Variants in RB1 observed in about 807,000 individuals in gnomAD.
RB1 encodes the protein RB transcriptional corepressor 1.
A neutral mutation model predicts 135.4 loss-of-function variants in RB1; 18 were observed. The ratio of observed to expected loss-of-function variants is 0.13; its 90% CI spans 0.09 to 0.20. RB1 has a LOEUF of 0.20. Among genes scored for constraint, RB1 ranks in the 10% least tolerant of loss-of-function variants. The pLI is 1.00. For synonymous variants in RB1, 365 were observed against 373.2 expected, an observed-to-expected ratio of 0.98 and a Z score of 0.25; for missense variants, 868 against 1,110.0, an observed-to-expected ratio of 0.78 and a Z score of 3.10.
chr13:48,382,073 G>A (rs945830805), intron 17 of RB1, among the ~76,000 whole-genome samples: 2 of 152,022 alleles, frequency 1.3e-5, no homozygotes, highest in Non-Finnish European at 2.9e-5. Flanking sequence ...ATATTCCATG[G>A]TATATATGTG....
chr13:48,449,815 A>T (rs1163733071), intron 17 of RB1, among the ~76,000 whole-genome samples: 1 of 152,170 alleles, frequency 6.6e-6, no homozygotes, highest in African/African-American at 2.4e-5. Flanking sequence ...GAGAGAGTTA[A>T]TGTCTGCATT....
chr13:48,357,790 G>A (rs1952605644), intron 6 of RB1, among the ~76,000 whole-genome samples: 1 of 152,016 alleles, frequency 6.6e-6, no homozygotes, highest in African/African-American at 2.4e-5. Context: ...ATGATGATCA[G>A]GAGAAGCTTC....
intron 2 of RB1, among the ~76,000 whole-genome samples, chr13:48,321,384 G>A (rs140191491): frequency 0.019 from 2,563 of 135,566 alleles, 70 homozygotes; most frequent in African/African-American, 0.062. Context: ...CTCCGCCCGG[G>A]CCCCGCCTCC....
chr13:48,337,089 G>T (rs1490468538), intron 2 of RB1, among the ~76,000 whole-genome samples: 3 of 152,168 alleles, frequency 2.0e-5, no homozygotes, highest in Non-Finnish European at 4.4e-5. Flanking sequence ...GCTGAGGAGA[G>T]CTTTACTTCC....
At chr13:48,474,132 T>TA (rs1451695668) in intron 24 of RB1, among the ~76,000 whole-genome samples, 1 of 152,128 alleles carries the variant, frequency 6.6e-6, no homozygotes, top group East Asian at 1.9e-4. Context: ...TCCTAGCACT[T>TA]AGACATGTTT....
intron 17 of RB1, among the ~76,000 whole-genome samples, chr13:48,442,509 A>T (rs1949248140): frequency 6.6e-6 from 1 of 152,174 alleles, no homozygotes; most frequent in South Asian, 2.1e-4. Context: ...CTTTGGATTC[A>T]GAAGGTAACT....
chr13:48,431,050 A>T (rs916003431), intron 17 of RB1, among the ~76,000 whole-genome samples: 6 of 152,254 alleles, frequency 3.9e-5, no homozygotes, highest in Non-Finnish European at 8.8e-5. Flanking sequence ...TGGAATGAAA[A>T]CATCAGTCCA....
chr13:48,347,995 T>C (rs1272969588), intron 5 of RB1, 132 bp downstream of exon 5: 1 of 696,644 alleles, frequency 1.4e-6, no homozygotes, highest in African/African-American at 1.8e-5. Flanking sequence ...CCCATAGATT[T>C]AAGTCCTGTG....
At chr13:48,353,643 A>G (rs374035656) in intron 6 of RB1, among the ~76,000 whole-genome samples, 196 of 152,290 alleles carry the variant, frequency 1.3e-3, no homozygotes, top group African/African-American at 4.3e-3. Flanking sequence ...CCATTAAAAA[A>G]AGAAAACTAT....
At chr13:48,404,326 C>A (rs982510195) in intron 17 of RB1, 1 of 152,002 alleles carries the variant, frequency 6.6e-6, no homozygotes, top group Non-Finnish European at 1.5e-5. Flanking sequence ...AAGTATTGTA[C>A]TGGTAGGTTA....
chr13:48,312,634 G>C (rs1414235433), intron 2 of RB1, among the ~76,000 whole-genome samples: 1 of 152,150 alleles, frequency 6.6e-6, no homozygotes, highest in Non-Finnish European at 1.5e-5. Flanking sequence ...AAACCTATCC[G>C]TTCAGTCTCA....
At chr13:48,368,812 C>T (rs758201752) in intron 11 of RB1, among the ~76,000 whole-genome samples, 53 of 152,090 alleles carry the variant, frequency 3.5e-4, no homozygotes, top group Admixed American at 1.1e-3. Flanking sequence ...TTGAGACCGG[C>T]CTGGCCAACA....
chr13:48,414,355 A>G (rs1948872511), intron 17 of RB1, among the ~76,000 whole-genome samples: 1 of 152,006 alleles, frequency 6.6e-6, no homozygotes, highest in Non-Finnish European at 1.5e-5. Flanking sequence ...AAAAAAAAAA[A>G]AAAAGTATAC....
intron 2 of RB1, among the ~76,000 whole-genome samples, chr13:48,311,038 G>A (rs1952125498): frequency 6.6e-6 from 1 of 152,070 alleles, no homozygotes; most frequent in South Asian, 2.1e-4. Context: ...CATCTTGATT[G>A]GTAGTATGGT....
At position 48,313,009 on chromosome 13, in the gene RB1, A is replaced by G. The variant is rs370453414; in HGVS notation, c.264+5603A>G. 5.3e-5 allele frequency among the ~76,000 whole-genome samples: 8 copies of G among 152,226 alleles called. No homozygotes were observed. In the East Asian group the frequency reaches 1.2e-3, roughly 22 times the overall value. The stretch of plus-strand genomic sequence containing the variant: ...GAAGTAAAGTCCAAACTTTCTCAGT[A>G]TTTGTAGTTCTTCATGGTCTGTGCT... On this transcript the variant is annotated intron_variant, in intron 2 of 26. Coordinates refer to ENST00000267163, the MANE Select transcript of RB1 (RefSeq NM_000321.3).
At position 48,456,251 on chromosome 13, in the gene RB1, G is replaced by T. The variant is rs373601944; in HGVS notation, c.1862G>T (p.Arg621Leu). The change falls in exon 19 of 27, where the codon CGT (arginine) becomes CTT (leucine). Residue 621 changes from arginine (R) to leucine (L), a missense_variant. This residue lies in a region of RB1 where 641 missense variants were observed against 791.3 expected (regional missense o/e 0.81). Coordinates refer to ENST00000267163, the MANE Select transcript of RB1 (RefSeq NM_000321.3). ...CCAAAGAAAAAAGGTTCAACTACGC[G>T]TGTAAATTCTACTGCAAATGCAGAG... Reference protein sequence around the residue: ...RSPKKKGSTTRVNSTANAETQ... With the variant: ...RSPKKKGSTTLVNSTANAETQ... The T allele has an allele frequency of 6.2e-7, 1 of 1,614,108 alleles. No homozygotes were observed. Among genetic ancestry groups the T allele is most frequent in the African/African-American group, 1.3e-5 (1 of 75,014 alleles).
intron 4 of RB1, 126 bp downstream of exon 4, chr13:48,345,325 T>TTA: frequency 1.9e-6 from 2 of 1,080,004 alleles, no homozygotes; most frequent in Non-Finnish European, 2.7e-6. Context: ...TTGTCCCTTT[T>TTA]AATGTTAGCT....
At position 48,368,586 on chromosome 13, in the gene RB1, C is replaced by G; in HGVS notation, c.1109C>G (p.Pro370Arg). The part of the protein sequence containing the change: ...SNLDEEVNVI[P>R]PHTPVRTVMN... ...CTTGATGAAGAGGTGAATGTAATTC[C>G]TCCACACACTCCAGTTAGGTATGAA... The change falls in exon 11 of 27, where the codon CCT becomes CGT. Residue 370 changes from proline (P) to arginine (R), a missense_variant. Physicochemically the swap from Pro to Arg is moderately radical, Grantham distance 103. Around this residue, in one of 3 missense-constraint regions of RB1, gnomAD observed 641 missense variants for 791.3 expected, o/e 0.81. Transcript: ENST00000267163. 1 of 1,613,302 alleles carries G rather than the reference C, an allele frequency of 6.2e-7. No individual in the cohort carries two copies.
intron 2 of RB1, chr13:48,318,524 C>A: frequency 1.1e-6 from 1 of 920,796 alleles, no homozygotes; most frequent in South Asian, 1.6e-5. Flanking sequence ...CGCCGGGCCC[C>A]TTGGCTGCGC....
Sources: gnomAD v4.1 joint callset for allele counts (sites outside exome capture counted in the v4.1 genomes callset) on GRCh38, gnomAD v4.1.1 for gene constraint, gnomAD v4.1.1 regional missense constraint, MANE v1.5 for transcripts, NCBI Gene and HGNC (gene_info 2026-07-23, HGNC 2026-07-21) for gene names.